Variants in D2HGDH observed in about 807,000 individuals in gnomAD.
The protein encoded by D2HGDH is D-2-hydroxyglutarate dehydrogenase, mitochondrial.
In D2HGDH, 31 loss-of-function variants were observed where a neutral mutation model predicts 46.9. The observed-to-expected ratio is 0.66, with a 90% CI of 0.50 to 0.89. The LOEUF is 0.89. D2HGDH is among the 40% of genes least tolerant of loss of function. The pLI, the probability that D2HGDH is intolerant of heterozygous loss-of-function variation, is 0.00. For missense variants in D2HGDH, 698 were observed against 720.8 expected, an observed-to-expected ratio of 0.97 and a Z score of 0.36; for synonymous variants, 364 against 332.6, an observed-to-expected ratio of 1.09 and a Z score of -1.03.
intron 7 of D2HGDH, 23 bp from the exon 8 acceptor site, chr2:241,751,223 C>G (rs1179813154): frequency 6.2e-7 from 1 of 1,613,742 alleles, no homozygotes; most frequent in Non-Finnish European, 8.5e-7. Context: ...TCTGCTCACT[C>G]TGCCTTCCTT....
rs764551823 is a variant in D2HGDH, at chr2:241,756,030, G to A, written c.1306+16G>A. ...GGCCACCTTGGTGAGCGGCGCCCCGGGGCCGCGGCCCTGTGTGTGCTGGGT... is the reference window on the plus strand; with the variant it reads ...GGCCACCTTGGTGAGCGGCGCCCCGAGGCCGCGGCCCTGTGTGTGCTGGGT... On this transcript the variant is annotated intron_variant, in intron 9 of 9. Coordinates refer to ENST00000321264, the MANE Select transcript of D2HGDH (RefSeq NM_152783.5). 10 of 1,589,858 alleles carry A rather than the reference G, an allele frequency of 6.3e-6. No homozygotes were observed. In the Middle Eastern group the frequency reaches 5.0e-4, roughly 80 times the overall value.
At chr2:241,755,445 C>T in intron 8 of D2HGDH, 1 of 1,312,414 alleles carries the variant, frequency 7.6e-7, no homozygotes, top group Middle Eastern at 2.1e-4. Context: ...TGGCCCTTGC[C>T]ACTCTGTGCC....
At position 241,755,914 on chromosome 2, in the gene D2HGDH, C is replaced by T. The variant is rs547293002; in HGVS notation, c.1206C>T (p.Tyr402=). The T allele has an allele frequency of 1.4e-5, 22 of 1,613,096 alleles. No individual in the cohort carries two copies. Among genetic ancestry groups the T allele is most frequent in the Middle Eastern group, 3.3e-4 (2 of 6,062 alleles). The change falls in exon 9 of 10, where the codon TAC becomes TAT. Residue 402 remains tyrosine, a synonymous_variant. Coordinates refer to ENST00000321264, the MANE Select transcript of D2HGDH (RefSeq NM_152783.5). ...GCCGGGATGGCTACGTGTACAAGTA[C>T]GACCTCTCCCTCCCTGTGGAGCGGC... ...ALSRDGYVYK[Y]DLSLPVERLY...
chr2:241,735,366 A>G lies in D2HGDH; in HGVS notation c.142A>G (p.Thr48Ala), dbSNP rs1196603426. Residue 48 changes from threonine to alanine, a missense_variant, in exon 2 of 10, where the codon ACC becomes GCC. Transcript: ENST00000321264. ...CCCGGGGACCCCCGAGGTGCCGCTG[A>G]CCCGGGAGCGCTACCCCGTGCGGCG... ...SAPGTPEVPL[T>A]RERYPVRRLP... The G allele has an allele frequency of 6.4e-7, 1 of 1,572,682 alleles. No individual in the cohort carries two copies. The highest frequency in any genetic ancestry group is 1.3e-5 in the African/African-American group (1 of 74,496).
Position 241,742,270 on chromosome 2 carries a change from C to T in D2HGDH, c.351-165C>T, listed in dbSNP as rs561165454. Reference sequence around the variant, plus strand: ...TTTCGGATTGGCCTCTGTCCTTCCTCAGAATCCCTCACATGCGTGGGCTGG... The same window carrying T: ...TTTCGGATTGGCCTCTGTCCTTCCTTAGAATCCCTCACATGCGTGGGCTGG... On this transcript the variant is annotated intron_variant, in intron 3 of 9. Transcript: ENST00000321264. The surrounding 1 kb of genome is among the most constrained non-coding windows in gnomAD (Gnocchi z 4.8). Among the ~76,000 whole-genome samples, 2 of 152,320 alleles carry T rather than the reference C, an allele frequency of 1.3e-5. No individual in the cohort carries two copies. Among genetic ancestry groups the T allele is most frequent in the African/African-American group, 4.8e-5 (2 of 41,562 alleles).
chr2:241,741,076 G>A lies in D2HGDH; in HGVS notation c.336G>A (p.Val112=). 6.2e-7 allele frequency: 1 copy of A among 1,613,926 alleles called. No homozygotes were observed. Among genetic ancestry groups the A allele is most frequent in the Non-Finnish European group, 8.5e-7 (1 of 1,179,982 alleles). Residue 112 remains valine (V), a synonymous_variant, in exon 3 of 10, where the codon GTG becomes GTA. Coordinates refer to ENST00000321264, the MANE Select transcript of D2HGDH (RefSeq NM_152783.5). ...TGAGGCCACGGACGTCGGAGGAGGTGTCCCACATCCTCAGGTGAGGTGGTG... is the reference window on the plus strand; with the variant it reads ...TGAGGCCACGGACGTCGGAGGAGGTATCCCACATCCTCAGGTGAGGTGGTG... ...VLLRPRTSEE[V]SHILRHCHER...
chr2:241,744,565 T>G (rs1575233548), intron 5 of D2HGDH, 144 bp from the exon 6 acceptor site: 3 of 1,004,438 alleles, frequency 3.0e-6, no homozygotes, highest in Admixed American at 2.0e-5. Context: ...GTGTGGAGGG[T>G]GTCACTCGTA....
At position 241,742,354 on chromosome 2, in the gene D2HGDH, A is replaced by C; in HGVS notation, c.351-81A>C. 6.6e-7 allele frequency: 1 copy of C among 1,508,356 alleles called. No homozygotes were observed. 93.4% of individuals were successfully genotyped at this position (1,508,356 alleles called of 1,614,324 possible). On this transcript the variant is annotated intron_variant, in intron 3 of 9. Transcript: ENST00000321264. This position sits in a 1 kb window ranked among gnomAD's most constrained non-coding sequence, Gnocchi z 4.8. ...GGGTAATCAGGATTTGGAGTCAGGC[A>C]CTGGTCCTGCGGCGTGTCCTTGGGG...
At chr2:241,764,878 C>T (rs1024396180) in intron 9 of D2HGDH, among the ~76,000 whole-genome samples, 8 of 152,210 alleles carry the variant, frequency 5.3e-5, no homozygotes, top group Non-Finnish European at 1.2e-4. Context: ...TTCACTCTGA[C>T]CCTGGCTGTC....
intron 3 of D2HGDH, 97 bp downstream of exon 3, chr2:241,741,187 C>A: frequency 8.9e-7 from 1 of 1,128,748 alleles, no homozygotes; most frequent in Non-Finnish European, 1.3e-6. Context: ...CGGTGCGAAG[C>A]CAGCCGATGA....
chr2:241,745,451 A>T (rs1221672332), intron 6 of D2HGDH, among the ~76,000 whole-genome samples: 1 of 152,188 alleles, frequency 6.6e-6, no homozygotes, highest in Non-Finnish European at 1.5e-5. Context: ...GGAGTTCAGA[A>T]GTCGCACAGC....
At chr2:241,758,888 C>A (rs924720565) in intron 9 of D2HGDH, among the ~76,000 whole-genome samples, 8 of 152,044 alleles carry the variant, frequency 5.3e-5, no homozygotes, top group African/African-American at 1.2e-4. Context: ...AATGCTCCCT[C>A]CTTGGCCTCT....
intron 6 of D2HGDH, among the ~76,000 whole-genome samples, chr2:241,748,530 G>C (rs975246140): frequency 6.6e-6 from 1 of 152,190 alleles, no homozygotes; most frequent in African/African-American, 2.4e-5. Flanking sequence ...CCTTCTCCTG[G>C]ATCTGCCCCA....
intron 6 of D2HGDH, chr2:241,749,468 C>G (rs903676156): frequency 9.8e-6 from 10 of 1,021,376 alleles, no homozygotes; most frequent in Non-Finnish European, 1.1e-5. Context: ...CCACTCAGTT[C>G]CTTTCCATCT....
intron 2 of D2HGDH, 146 bp downstream of exon 2, chr2:241,735,662 C>T (rs544279650): frequency 5.3e-6 from 6 of 1,121,756 alleles, no homozygotes; most frequent in Non-Finnish European, 7.7e-6. Flanking sequence ...CCGCCACAGG[C>T]TGCTGGAATG....
At chr2:241,738,154 C>T (rs1693449704) in intron 2 of D2HGDH, among the ~76,000 whole-genome samples, 1 of 152,200 alleles carries the variant, frequency 6.6e-6, no homozygotes, top group Non-Finnish European at 1.5e-5. Flanking sequence ...GAAGGGCCCC[C>T]ACCCTCACCC....
intron 3 of D2HGDH, among the ~76,000 whole-genome samples, chr2:241,741,363 A>G (rs1694400344): frequency 6.6e-6 from 1 of 152,230 alleles, no homozygotes; most frequent in African/African-American, 2.4e-5. Flanking sequence ...ACAGGGTGGC[A>G]CTGGTCTCCG....
intron 2 of D2HGDH, chr2:241,736,004 G>C (rs1209226410): frequency 5.8e-6 from 1 of 171,522 alleles, no homozygotes; most frequent in Non-Finnish European, 1.3e-5. Flanking sequence ...CTCGTGATCC[G>C]TCCGCCTCGG....
chr2:241,746,672 G>C (rs113682215), intron 6 of D2HGDH, among the ~76,000 whole-genome samples: 11 of 152,088 alleles, frequency 7.2e-5, no homozygotes, highest in African/African-American at 2.4e-4. Flanking sequence ...GGTGGATCAC[G>C]AGGTCAGGAG....
Sources: gnomAD v4.1 joint callset for allele counts (sites outside exome capture counted in the v4.1 genomes callset) on GRCh38, gnomAD v4.1.1 for gene constraint, Gnocchi (gnomAD v3.1) non-coding constraint, MANE v1.5 for transcripts, NCBI Gene and HGNC (gene_info 2026-07-23, HGNC 2026-07-21) for gene names.